Variants in TECPR2 observed in about 807,000 individuals in gnomAD.
TECPR2 encodes the protein tectonin beta-propeller repeat containing 2, also known as tectonin beta-propeller repeat-containing protein 2.
In TECPR2, 65 loss-of-function variants were observed where a neutral mutation model predicts 138.1. The observed-to-expected ratio is 0.47, with a 90% CI of 0.39 to 0.58. The LOEUF is 0.58. Among genes scored for constraint, TECPR2 ranks in the 20% least tolerant of loss-of-function variants. The pLI is 0.00. For missense variants in TECPR2, 1,553 were observed against 1,824.5 expected, an observed-to-expected ratio of 0.85 and a Z score of 2.71; for synonymous variants, 746 against 749.8, an observed-to-expected ratio of 0.99 and a Z score of 0.08.
chr14:102,438,260 C>T lies in TECPR2; in HGVS notation c.2578+55C>T, dbSNP rs1030439087. On this transcript the variant is annotated intron_variant, in intron 10 of 19. Transcript: ENST00000359520. ...CCTGCTCCCGCTCGCCGCTCCTGCTCCCCGCCCCCGGGGTGCAGACATCTT... is the reference window on the plus strand; with the variant it reads ...CCTGCTCCCGCTCGCCGCTCCTGCTTCCCGCCCCCGGGGTGCAGACATCTT... 11 of 1,551,790 alleles carry T rather than the reference C, an allele frequency of 7.1e-6. No homozygotes were observed. The Admixed American group carries it at 2.0e-4, about 28-fold the overall frequency.
At chr14:102,430,523 A>C (rs573488810) in intron 7 of TECPR2, among the ~76,000 whole-genome samples, 1 of 152,324 alleles carries the variant, frequency 6.6e-6, no homozygotes, top group Non-Finnish European at 1.5e-5. Context: ...ATGGACTGCC[A>C]TGTCCCAGCA....
chr14:102,377,428 C>T (rs552370437), intron 2 of TECPR2, among the ~76,000 whole-genome samples: 1 of 152,234 alleles, frequency 6.6e-6, no homozygotes, highest in African/African-American at 2.4e-5. Flanking sequence ...CTAAAGTACT[C>T]GGATTACAGG....
chr14:102,498,525 C>T lies in TECPR2; in HGVS notation c.*268C>T. ...CCCGGCTGCATGCACTCCGATTACCCACGTGCTGCCGTCCTGGTCTCATCC... is the reference window on the plus strand; with the variant it reads ...CCCGGCTGCATGCACTCCGATTACCTACGTGCTGCCGTCCTGGTCTCATCC... On this transcript the variant is annotated 3_prime_UTR_variant, in exon 20 of 20. Coordinates refer to ENST00000359520, the MANE Select transcript of TECPR2 (RefSeq NM_014844.5). The T allele has an allele frequency of 1.9e-6, 1 of 534,116 alleles. No individual in the cohort carries two copies. Among genetic ancestry groups the T allele is most frequent in the South Asian group, 2.1e-5 (1 of 48,112 alleles). The allele number at this position is 534,116 out of a possible 1,614,324, so 33.1% of individuals were successfully genotyped here. A position where few individuals can be genotyped will look rare whatever the true frequency, so the allele number is the denominator to read the frequency against.
At position 102,428,452 on chromosome 14, in the gene TECPR2, G is replaced by A. The variant is rs982934858; in HGVS notation, c.1084+70G>A. ...CTATACTCTGTTGTTTGTAATTGCA[G>A]TTAATAATTGATCAAACTTACCATT... On this transcript the variant is annotated intron_variant, in intron 7 of 19. Coordinates refer to ENST00000359520, the MANE Select transcript of TECPR2 (RefSeq NM_014844.5). 4 of 1,585,040 alleles carry A rather than the reference G, an allele frequency of 2.5e-6. No individual in the cohort carries two copies. The African/African-American group carries it at 5.5e-5, about 22-fold the overall frequency.
intron 2 of TECPR2, among the ~76,000 whole-genome samples, chr14:102,385,227 T>C (rs1887964751): frequency 6.6e-6 from 1 of 152,116 alleles, no homozygotes; most frequent in South Asian, 2.1e-4. Context: ...AGACTCTTTT[T>C]AACAACCTGC....
chr14:102,483,268 AG>A (rs1890935961), intron 17 of TECPR2, among the ~76,000 whole-genome samples: 1 of 151,936 alleles, frequency 6.6e-6, no homozygotes, highest in Non-Finnish European at 1.5e-5. Context: ...TGCCTTGGTG[AG>A]GGCTGTGTTC....
At chr14:102,381,788 G>A (rs1887828332) in intron 2 of TECPR2, among the ~76,000 whole-genome samples, 1 of 152,120 alleles carries the variant, frequency 6.6e-6, no homozygotes, top group South Asian at 2.1e-4. Flanking sequence ...AAATACCTGG[G>A]TAATAAATAC....
At chr14:102,472,616 T>C (rs1890674127) in intron 17 of TECPR2, among the ~76,000 whole-genome samples, 1 of 152,228 alleles carries the variant, frequency 6.6e-6, no homozygotes, top group Admixed American at 6.5e-5. Context: ...AAAATGCTTT[T>C]CAAGTTGGTT....
intron 2 of TECPR2, among the ~76,000 whole-genome samples, chr14:102,395,667 G>A (rs1426717002): frequency 2.0e-5 from 3 of 152,076 alleles, no homozygotes; most frequent in South Asian, 4.1e-4. Flanking sequence ...GCATGGTGGC[G>A]TCTGCCTGTA....
At position 102,440,614 on chromosome 14, in the gene TECPR2, C is replaced by G. The variant is rs1262968879; in HGVS notation, c.2752+5C>G. On this transcript the variant is annotated splice_donor_5th_base_variant and intron_variant, in intron 11 of 19. Coordinates refer to ENST00000359520, the MANE Select transcript of TECPR2 (RefSeq NM_014844.5). ...GGGACCTATACTTGCAGACAGGTAACCGCGGGCCACGCTTAGAGGCCTGCC... is the reference window on the plus strand; with the variant it reads ...GGGACCTATACTTGCAGACAGGTAAGCGCGGGCCACGCTTAGAGGCCTGCC... The G allele has an allele frequency of 1.2e-6, 2 of 1,612,120 alleles. No homozygotes were observed. The highest frequency in any genetic ancestry group is 1.7e-6 in the Non-Finnish European group (2 of 1,178,832).
chr14:102,460,962 T>G (rs528659764), intron 16 of TECPR2, among the ~76,000 whole-genome samples: 1 of 152,238 alleles, frequency 6.6e-6, no homozygotes, highest in East Asian at 1.9e-4. Context: ...CCCAAAGTGC[T>G]GGGATTACAG....
chr14:102,450,176 C>T (rs1289102660), intron 14 of TECPR2, among the ~76,000 whole-genome samples: 1 of 152,130 alleles, frequency 6.6e-6, no homozygotes, highest in Non-Finnish European at 1.5e-5. Context: ...AAAATCCACC[C>T]AAACCTAGTG....
intron 14 of TECPR2, 27 bp downstream of exon 14, chr14:102,449,896 C>T: frequency 6.2e-7 from 1 of 1,608,364 alleles, no homozygotes; most frequent in Non-Finnish European, 8.5e-7. Context: ...AATTTTCACA[C>T]TGGCTTTATA....
At chr14:102,497,182 G>C (rs1891306449) in intron 18 of TECPR2, 62 bp downstream of exon 18, 5 of 1,569,548 alleles carry the variant, frequency 3.2e-6, no homozygotes, top group Non-Finnish European at 3.4e-6. Flanking sequence ...ACTGGGGGCT[G>C]CTGGGCGCTC....
chr14:102,481,185 G>A (rs1890886408), intron 17 of TECPR2, among the ~76,000 whole-genome samples: 1 of 151,870 alleles, frequency 6.6e-6, no homozygotes. Flanking sequence ...TGTATTTTTA[G>A]TAGAGACGGG....
chr14:102,454,553 CTG>C (rs1307799688), intron 16 of TECPR2, among the ~76,000 whole-genome samples: 2 of 152,184 alleles, frequency 1.3e-5, no homozygotes, highest in Non-Finnish European at 2.9e-5. Flanking sequence ...CTGACAGTGA[CTG>C]ATAGACAAGG....
intron 16 of TECPR2, among the ~76,000 whole-genome samples, chr14:102,456,918 C>T (rs1158457307): frequency 6.6e-6 from 1 of 151,768 alleles, no homozygotes; most frequent in African/African-American, 2.4e-5. Context: ...GAGACTCAAT[C>T]TCACTGAAGC....
intron 17 of TECPR2, among the ~76,000 whole-genome samples, chr14:102,474,074 G>A (rs757746881): frequency 2.0e-5 from 3 of 151,942 alleles, no homozygotes; most frequent in Non-Finnish European, 2.9e-5. Flanking sequence ...CCTAGGCAGC[G>A]TAGTGAGACC....
In TECPR2 at chr14:102,498,670, T is replaced by G; in HGVS notation, c.*413T>G. On this transcript the variant is annotated 3_prime_UTR_variant, in exon 20 of 20. Coordinates refer to ENST00000359520, the MANE Select transcript of TECPR2 (RefSeq NM_014844.5). ...CCACATTAGTAGCCCCAGGGCCAGA[T>G]GGAGCCAAAGGTCAGCTCTCTGCAG... The G allele has an allele frequency of 2.5e-6, 1 of 398,860 alleles. No individual in the cohort carries two copies. The highest frequency in any genetic ancestry group is 4.8e-6 in the Non-Finnish European group (1 of 207,172). 24.7% of individuals were successfully genotyped at this position (398,860 alleles called of 1,614,324 possible).
Sources: allele counts gnomAD v4.1 joint callset (sites outside exome capture counted in the v4.1 genomes callset), GRCh38; gene constraint gnomAD v4.1.1; transcripts MANE v1.5; gene names NCBI Gene and HGNC (gene_info 2026-07-23, HGNC 2026-07-21).